The following CCNY variants were observed in gnomAD, a reference collection of about 807,000 sequenced individuals.
CCNY encodes cyclin-Y.
CCNY carries 19 observed loss-of-function variants against 42.8 expected under a neutral mutation model. The ratio of observed to expected loss-of-function variants is 0.44; its 90% confidence interval spans 0.31 to 0.65. The LOEUF (loss-of-function observed/expected upper bound fraction) is 0.65. Ranked by LOEUF, CCNY falls within the 30% of genes least tolerant of loss-of-function variation. CCNY has a pLI of 0.07. For missense variants in CCNY, 370 were observed against 437.3 expected, an observed-to-expected ratio of 0.85 and a Z score of 1.37; for synonymous variants, 165 against 162.7, an observed-to-expected ratio of 1.01 and a Z score of -0.11.
intron 1 of CCNY, among the ~76,000 whole-genome samples, chr10:35,424,330 G>T (rs1223335813): frequency 6.6e-6 from 1 of 152,166 alleles, no homozygotes; most frequent in African/African-American, 2.4e-5. Context: ...GGTTTCAAGC[G>T]ATTCTCCTGC....
chr10:35,483,454 T>G lies in CCNY; in HGVS notation c.205T>G (p.Phe69Val). 6.2e-7 allele frequency: 1 copy of G among 1,609,030 alleles called. No individual in the cohort carries two copies. Among genetic ancestry groups the G allele is most frequent in the Non-Finnish European group, 8.5e-7 (1 of 1,176,028 alleles). The stretch of plus-strand genomic sequence containing the variant: ...AGATCATCCTCGGGCCAGCACAATA[T>G]TCCTCAGTAAATCTCAGACGGACGG... ...PSDHPRASTI[F>V]LSKSQTDVRE... Residue 69 changes from phenylalanine (F) to valine (V), a missense_variant, in exon 2 of 10, where the codon TTC (phenylalanine) becomes GTC (valine). Physicochemically the swap from Phe to Val is conservative, Grantham distance 50 (BLOSUM62 -1). Coordinates refer to ENST00000374704, the MANE Select transcript of CCNY (RefSeq NM_145012.6).
intron 1 of CCNY, among the ~76,000 whole-genome samples, chr10:35,373,259 G>A (rs906171609): frequency 2.6e-5 from 4 of 152,092 alleles, no homozygotes; most frequent in African/African-American, 9.7e-5. Context: ...CTACTTCTTA[G>A]GGCTGTTAGG....
chr10:35,513,553 T>C (rs1840364842), intron 3 of CCNY, among the ~76,000 whole-genome samples: 1 of 152,320 alleles, frequency 6.6e-6, no homozygotes, highest in Middle Eastern at 3.4e-3. Flanking sequence ...TCCCACACAC[T>C]CGCCCTGCTC....
chr10:35,287,123 A>G (rs114235836), intron 3 of CCNY, among the ~76,000 whole-genome samples: 283 of 152,304 alleles, frequency 1.9e-3, no homozygotes, highest in African/African-American at 6.6e-3. Flanking sequence ...CTGAGACTCA[A>G]ACTCAAAGGT....
chr10:35,434,402 C>T (rs1290686226), intron 1 of CCNY, among the ~76,000 whole-genome samples: 1 of 152,226 alleles, frequency 6.6e-6, no homozygotes, highest in Non-Finnish European at 1.5e-5. Context: ...GGCGCATCCT[C>T]AGGGACAGAG....
intron 1 of CCNY, among the ~76,000 whole-genome samples, chr10:35,478,797 A>G (rs1015494508): frequency 4.6e-5 from 7 of 152,242 alleles, no homozygotes; most frequent in Non-Finnish European, 7.3e-5. Context: ...ATGGGATCTA[A>G]TTAAACTAAA....
intron 8 of CCNY, among the ~76,000 whole-genome samples, chr10:35,559,817 G>T (rs995248952): frequency 2.6e-5 from 4 of 152,264 alleles, no homozygotes; most frequent in Admixed American, 1.3e-4. Context: ...AGCAGGCACA[G>T]CCTGGAGTGA....
At chr10:35,439,003 T>G (rs1303856185) in intron 1 of CCNY, among the ~76,000 whole-genome samples, 7 of 152,230 alleles carry the variant, frequency 4.6e-5, no homozygotes, top group Admixed American at 1.3e-4. Flanking sequence ...GCTTTTCCTG[T>G]TTTCTGATGA....
At chr10:35,432,486 A>T (rs1486619413) in intron 1 of CCNY, among the ~76,000 whole-genome samples, 2 of 152,212 alleles carry the variant, frequency 1.3e-5, no homozygotes, top group African/African-American at 4.8e-5. Flanking sequence ...TTTTCATGAC[A>T]CTTGACTTAA....
intron 3 of CCNY, among the ~76,000 whole-genome samples, chr10:35,292,796 T>C (rs1236545002): frequency 1.3e-5 from 2 of 149,084 alleles, no homozygotes; most frequent in Non-Finnish European, 3.0e-5. Flanking sequence ...TTTTTTTTTT[T>C]TTTTTGGAGA....
At chr10:35,282,733 A>AG (rs953849767) in intron 3 of CCNY, among the ~76,000 whole-genome samples, 3 of 151,426 alleles carry the variant, frequency 2.0e-5, no homozygotes, top group Non-Finnish European at 2.9e-5. Context: ...AAAAAAAAAA[A>AG]AAAAGAAAAG....
intron 1 of CCNY, among the ~76,000 whole-genome samples, chr10:35,377,603 CTG>C (rs1239737775): frequency 6.6e-6 from 1 of 152,146 alleles, no homozygotes; most frequent in African/African-American, 2.4e-5. Flanking sequence ...GGAAGCATGA[CTG>C]TACCTATTTA....
intron 1 of CCNY, among the ~76,000 whole-genome samples, chr10:35,405,158 A>C (rs1589096732): frequency 6.6e-6 from 1 of 152,174 alleles, no homozygotes; most frequent in Admixed American, 6.5e-5. Flanking sequence ...CAGGTAAAAC[A>C]GGGGAATTGT....
At chr10:35,416,190 T>TGTGTGTGTCC (rs972481904) in intron 1 of CCNY, among the ~76,000 whole-genome samples, 2 of 151,952 alleles carry the variant, frequency 1.3e-5, no homozygotes, top group African/African-American at 4.8e-5. Flanking sequence ...TGTGTGTGTG[T>TGTGTGTGTCC]GTGTCCTTGT....
At chr10:35,311,342 A>G (rs1049978252) in intron 3 of CCNY, among the ~76,000 whole-genome samples, 5 of 151,746 alleles carry the variant, frequency 3.3e-5, no homozygotes. Context: ...ACAAAAAAAT[A>G]CAGGATATAA....
At chr10:35,395,534 G>T (rs1227019377) in intron 1 of CCNY, among the ~76,000 whole-genome samples, 1 of 152,112 alleles carries the variant, frequency 6.6e-6, no homozygotes, top group African/African-American at 2.4e-5. Flanking sequence ...CACCTGGGGG[G>T]TTGTGGGGGA....
chr10:35,330,557 T>C (rs1835930477), intron 3 of CCNY, among the ~76,000 whole-genome samples: 1 of 152,192 alleles, frequency 6.6e-6, no homozygotes, highest in Admixed American at 6.5e-5. Context: ...GGGATTACAT[T>C]TGCCTGCATA....
intron 3 of CCNY, among the ~76,000 whole-genome samples, chr10:35,319,554 G>A (rs1041554079): frequency 6.6e-6 from 1 of 152,126 alleles, no homozygotes; most frequent in South Asian, 2.1e-4. Flanking sequence ...TTGGTTGAAT[G>A]CCACAGATTA....
chr10:35,305,448 T>C (rs1835595373), intron 3 of CCNY, among the ~76,000 whole-genome samples: 1 of 152,180 alleles, frequency 6.6e-6, no homozygotes, highest in Admixed American at 6.5e-5. Flanking sequence ...AACACTTTGG[T>C]TTTGGAAATC....
Sources: gnomAD v4.1 joint callset for allele counts (sites outside exome capture counted in the v4.1 genomes callset) on GRCh38, gnomAD v4.1.1 for gene constraint, MANE v1.5 for transcripts, NCBI Gene and HGNC (gene_info 2026-07-23, HGNC 2026-07-21) for gene names.